GRIK2: variants seen among roughly 807,000 people sequenced by gnomAD.
GRIK2 encodes the protein glutamate ionotropic receptor kainate type subunit 2.
In GRIK2, 32 loss-of-function variants were observed where a neutral mutation model predicts 100.3. The ratio of observed to expected loss-of-function variants is 0.32; its 90% CI spans 0.24 to 0.43. The LOEUF is 0.43. Among genes scored for constraint, GRIK2 ranks in the 20% least tolerant of loss-of-function variants. The probability of loss-of-function intolerance (pLI) is 1.00; values close to 1 mark genes in which losing one functional copy is unlikely to be tolerated. For missense variants in GRIK2, 843 were observed against 1,114.9 expected, an observed-to-expected ratio of 0.76 and a Z score of 3.47; for synonymous variants, 417 against 389.4, an observed-to-expected ratio of 1.07 and a Z score of -0.83.
At chr6:102,052,754 C>T (rs1253421626) in intron 15 of GRIK2, among the ~76,000 whole-genome samples, 3 of 152,082 alleles carry the variant, frequency 2.0e-5, no homozygotes, top group African/African-American at 7.2e-5. Flanking sequence ...TCCAAGTAAT[C>T]ACCCTTCACA....
intron 2 of GRIK2, among the ~76,000 whole-genome samples, chr6:101,569,195 G>A (rs567391589): frequency 6.6e-6 from 1 of 151,938 alleles, no homozygotes; most frequent in Admixed American, 6.6e-5. Flanking sequence ...CTCCCAGATA[G>A]TTTTAATTTT....
intron 2 of GRIK2, among the ~76,000 whole-genome samples, chr6:101,577,003 T>C (rs1334407966): frequency 6.6e-6 from 1 of 152,100 alleles, no homozygotes; most frequent in East Asian, 1.9e-4. Context: ...AAGCAAATGA[T>C]AAGGATTTCA....
chr6:102,042,975 G>A (rs1361795307), intron 15 of GRIK2, among the ~76,000 whole-genome samples: 4 of 151,422 alleles, frequency 2.6e-5, no homozygotes, highest in Non-Finnish European at 5.9e-5. Flanking sequence ...CAAGTTAGAG[G>A]ATATACAGAA....
intron 14 of GRIK2, among the ~76,000 whole-genome samples, chr6:101,963,560 G>C (rs1430368273): frequency 8.5e-6 from 1 of 117,114 alleles, no homozygotes; most frequent in Non-Finnish European, 1.7e-5. Flanking sequence ...CACTGTGTTA[G>C]CTAGGATGAT....
intron 4 of GRIK2, among the ~76,000 whole-genome samples, chr6:101,669,421 G>A (rs1464909420): frequency 1.3e-5 from 2 of 152,072 alleles, no homozygotes; most frequent in Non-Finnish European, 2.9e-5. Context: ...TGTAGGATAG[G>A]AAGACATATA....
At chr6:101,399,608 G>T (rs1337284289) in intron 2 of GRIK2, among the ~76,000 whole-genome samples, 3 of 152,156 alleles carry the variant, frequency 2.0e-5, no homozygotes, top group African/African-American at 7.2e-5. Flanking sequence ...GGGCCAATGT[G>T]TGGTAGTGGT....
At chr6:101,409,108 ATGTGTGTGTGTGTGTGTGTGTG>A (rs67806970) in intron 2 of GRIK2, among the ~76,000 whole-genome samples, 29 of 138,424 alleles carry the variant, frequency 2.1e-4, no homozygotes, top group Admixed American at 4.4e-4. Flanking sequence ...AACATTGTGT[ATGTGTGTGTGTGTGTGTGTGTG>A]TGTGTGTGTG....
intron 2 of GRIK2, among the ~76,000 whole-genome samples, chr6:101,575,817 C>A (rs938746644): frequency 2.0e-5 from 3 of 152,050 alleles, no homozygotes; most frequent in Non-Finnish European, 4.4e-5. Flanking sequence ...GCCTGGTCTG[C>A]ATGTTCTGTC....
intron 16 of GRIK2, among the ~76,000 whole-genome samples, chr6:102,065,464 CA>C (rs1771972232): frequency 6.6e-6 from 1 of 151,116 alleles, no homozygotes; most frequent in Non-Finnish European, 1.5e-5. Flanking sequence ...AATATTGAGT[CA>C]TTTCATAGTT....
At position 101,442,974 on chromosome 6, in the gene GRIK2, A is replaced by G. The variant is rs942798912; in HGVS notation, c.115+43582A>G. Among the ~76,000 whole-genome samples the G allele has an allele frequency of 1.3e-4, 20 of 152,254 alleles. No individual in the cohort carries two copies. The East Asian group carries it at 3.9e-3, about 29-fold the overall frequency. ...CCAGTTTTACTCTTTCTTTTCCTAT[A>G]ATGTTTACAATAGAATAGTGCATGA... On this transcript the variant is annotated intron_variant, in intron 2 of 16. Coordinates refer to ENST00000369134, the MANE Select transcript of GRIK2 (RefSeq NM_021956.5).
chr6:101,846,393 A>G lies in GRIK2; in HGVS notation c.1318-12894A>G, dbSNP rs541223789. Among the ~76,000 whole-genome samples the G allele has an allele frequency of 1.3e-3, 194 of 152,222 alleles. 1 individual carries two copies. The highest frequency in any genetic ancestry group is 3.6e-3 in the African/African-American group (151 of 41,562). On this transcript the variant is annotated intron_variant, in intron 10 of 16. Coordinates refer to ENST00000369134, the MANE Select transcript of GRIK2 (RefSeq NM_021956.5). The stretch of plus-strand genomic sequence containing the variant: ...TACATGTAGATTTTTAGTTGTCCCA[A>G]TGCCCTTTGTTCAAGAGATGATTCT...
chr6:101,809,029 A>G (rs1442123913), intron 9 of GRIK2, among the ~76,000 whole-genome samples: 2 of 151,628 alleles, frequency 1.3e-5, no homozygotes, highest in African/African-American at 2.4e-5. Context: ...GTATTTATAA[A>G]TAATATAAAG....
At chr6:101,718,114 A>G (rs1774196988) in intron 7 of GRIK2, among the ~76,000 whole-genome samples, 1 of 151,824 alleles carries the variant, frequency 6.6e-6, no homozygotes, top group Admixed American at 6.6e-5. Context: ...TATTCATTAA[A>G]ATGTAATAAA....
At chr6:101,795,702 A>G (rs1301405846) in intron 7 of GRIK2, among the ~76,000 whole-genome samples, 1 of 152,204 alleles carries the variant, frequency 6.6e-6, no homozygotes. Context: ...CCTCAGGAGA[A>G]GTGCACGGAC....
chr6:101,875,957 T>G (rs1582434443), intron 11 of GRIK2, among the ~76,000 whole-genome samples: 1 of 151,990 alleles, frequency 6.6e-6, no homozygotes, highest in South Asian at 2.1e-4. Context: ...GACAGTCTTC[T>G]GTGGAGTCCT....
At position 101,864,864 on chromosome 6, in the gene GRIK2, T is replaced by C. The variant is rs1784954298; in HGVS notation, c.1524+5371T>C. 2.0e-5 allele frequency among the ~76,000 whole-genome samples: 3 copies of C among 152,302 alleles called. No homozygotes were observed. The South Asian group carries it at 6.2e-4, about 32-fold the overall frequency. On this transcript the variant is annotated intron_variant, in intron 11 of 16. Transcript: ENST00000369134. ...CAGATTTTTAAAGCCACATTATCCA[T>C]TCCTTTACCCCATTAGAATTGTGTG...
At chr6:101,498,390 A>T (rs970768414) in intron 2 of GRIK2, among the ~76,000 whole-genome samples, 1 of 152,062 alleles carries the variant, frequency 6.6e-6, no homozygotes, top group Non-Finnish European at 1.5e-5. Flanking sequence ...CCCAGTAATG[A>T]GATGGCTGGG....
At chr6:101,400,487 A>C (rs1459650034) in intron 2 of GRIK2, among the ~76,000 whole-genome samples, 8 of 152,344 alleles carry the variant, frequency 5.3e-5, no homozygotes, top group Non-Finnish European at 8.8e-5. Flanking sequence ...CATTGTAGGC[A>C]CTTCCTCTGA....
chr6:101,690,044 T>C (rs1771982167), intron 7 of GRIK2, among the ~76,000 whole-genome samples: 1 of 152,130 alleles, frequency 6.6e-6, no homozygotes, highest in Admixed American at 6.6e-5. Flanking sequence ...CCGACAATGG[T>C]GATACTTGTT....
Sources: gnomAD v4.1 joint callset for allele counts (sites outside exome capture counted in the v4.1 genomes callset) on GRCh38, gnomAD v4.1.1 for gene constraint, MANE v1.5 for transcripts, NCBI Gene and HGNC (gene_info 2026-07-23, HGNC 2026-07-21) for gene names.